C5: variants seen among roughly 807,000 people sequenced by gnomAD.
C5 encodes complement C5.
A neutral mutation model predicts 218.8 loss-of-function variants in C5; 140 were observed. That is an observed-to-expected ratio of 0.64 (90% CI 0.56 to 0.74). The LOEUF is 0.74. Among genes scored for constraint, C5 ranks in the 30% least tolerant of loss-of-function variants. C5 has a pLI of 0.00. For synonymous variants in C5, 614 were observed against 682.3 expected, an observed-to-expected ratio of 0.90 and a Z score of 1.56; for missense variants, 1,700 against 1,969.6, an observed-to-expected ratio of 0.86 and a Z score of 2.59.
At chr9:120,996,724 A>G (rs2047119200) in intron 21 of C5, among the ~76,000 whole-genome samples, 1 of 152,224 alleles carries the variant, frequency 6.6e-6, no homozygotes, top group African/African-American at 2.4e-5. Flanking sequence ...ATGGAACCAC[A>G]GTGCAAGGAT....
intron 25 of C5, among the ~76,000 whole-genome samples, chr9:120,988,502 C>T (rs2047051184): frequency 6.6e-6 from 1 of 152,082 alleles, no homozygotes; most frequent in South Asian, 2.1e-4. Context: ...AGTGCAAAGG[C>T]CCTGAGGTGG....
At position 120,962,688 on chromosome 9, in the gene C5, T is replaced by A. The variant is rs1337585185; in HGVS notation, c.4487A>T (p.Tyr1496Phe). The A allele has an allele frequency of 2.5e-6, 4 of 1,611,688 alleles. No individual in the cohort carries two copies. The highest frequency in any genetic ancestry group is 3.4e-6 in the Non-Finnish European group (4 of 1,177,868). Residue 1496 changes from tyrosine to phenylalanine, a missense_variant, in exon 36 of 41, where the codon TAC becomes TTC. Transcript: ENST00000223642. ...GFLSPATFTV[Y>F]EYHRPDKQCT... ...TTGATTACCTGGTCTGTGGTATTCG[T>A]ACACTGTGAAAGTGGCAGGACTGAG... is the stretch of plus-strand genomic sequence containing the variant.
chr9:121,001,517 C>T (rs934236182), intron 20 of C5, among the ~76,000 whole-genome samples: 15 of 151,946 alleles, frequency 9.9e-5, no homozygotes, highest in African/African-American at 3.6e-4. Flanking sequence ...CAATATATAG[C>T]GCGGTCTTTC....
At chr9:121,062,062 GTTT>G in the C5 span, among the ~76,000 whole-genome samples, 1 of 118,738 alleles carries the variant, frequency 8.4e-6, no homozygotes, top group Non-Finnish European at 1.7e-5. Flanking sequence ...TGTTGTTGTT[GTTT>G]TTCTTTTTTT....
Position 121,044,245 on chromosome 9 carries a change from C to T in C5, c.259-1079G>A, listed in dbSNP as rs543468245. On this transcript the variant is annotated intron_variant, in intron 2 of 40. Transcript: ENST00000223642. ...ATCCCAGCACTTTGGGAGGCCGAGG[C>T]GGGCGGATCACCTGAGGTCAGGAGT... is the stretch of plus-strand genomic sequence containing the variant. Among the ~76,000 whole-genome samples the T allele has an allele frequency of 3.0e-4, 45 of 152,202 alleles. No homozygotes were observed. In the South Asian group the frequency reaches 7.9e-3, roughly 27 times the overall value.
At chr9:120,966,095 A>G (rs974032042) in intron 33 of C5, among the ~76,000 whole-genome samples, 3 of 152,232 alleles carry the variant, frequency 2.0e-5, no homozygotes, top group African/African-American at 7.2e-5. Flanking sequence ...GAAGGCAAAG[A>G]AGTTCCTACA....
chr9:120,987,628 C>T (rs1189355552), intron 25 of C5, among the ~76,000 whole-genome samples: 1 of 124,044 alleles, frequency 8.1e-6, no homozygotes, highest in Non-Finnish European at 1.7e-5. Flanking sequence ...CAGAGCAAGA[C>T]TCCGTCTCAA....
chr9:120,998,581 ATT>A, intron 20 of C5, among the ~76,000 whole-genome samples: 2 of 152,248 alleles, frequency 1.3e-5, no homozygotes, highest in African/African-American at 4.8e-5. Flanking sequence ...TACTTTTCTA[ATT>A]TTATCAACTT....
At chr9:121,066,621 G>C in the C5 span, among the ~76,000 whole-genome samples, 2 of 151,792 alleles carry the variant, frequency 1.3e-5, no homozygotes, top group Non-Finnish European at 2.9e-5. Context: ...GAGGTGGACA[G>C]ATCACCTGAG....
intron 25 of C5, 130 bp from the exon 26 acceptor site, chr9:120,982,944 A>C (rs900383321): frequency 1.6e-6 from 1 of 614,056 alleles, no homozygotes; most frequent in Non-Finnish European, 2.8e-6. Context: ...GTAAGTCATC[A>C]TTTTACAAAG....
intron 40 of C5, 123 bp downstream of exon 40, chr9:120,953,607 T>C (rs1220397081): frequency 3.0e-6 from 3 of 999,296 alleles, no homozygotes; most frequent in African/African-American, 3.2e-5. Context: ...ACATTAATAT[T>C]ATTTAGTTCA....
At chr9:121,005,350 T>TA (rs944845824) in intron 20 of C5, among the ~76,000 whole-genome samples, 2 of 151,954 alleles carry the variant, frequency 1.3e-5, no homozygotes, top group African/African-American at 2.4e-5. Flanking sequence ...AGGAGTAAAG[T>TA]AAAAAGAGCA....
chr9:121,074,574 G>A, the C5 span, among the ~76,000 whole-genome samples: 2 of 152,220 alleles, frequency 1.3e-5, no homozygotes, highest in Non-Finnish European at 2.9e-5. Flanking sequence ...CATCAGAAGT[G>A]GGGGAGGCCG....
intron 7 of C5, among the ~76,000 whole-genome samples, chr9:121,029,104 T>C (rs1281366412): frequency 6.6e-6 from 1 of 152,228 alleles, no homozygotes; most frequent in African/African-American, 2.4e-5. Context: ...CATGTTTCCC[T>C]TTTTAGTTTA....
At chr9:121,026,894 G>A (rs973496575) in intron 8 of C5, among the ~76,000 whole-genome samples, 2 of 152,030 alleles carry the variant, frequency 1.3e-5, no homozygotes, top group African/African-American at 4.8e-5. Flanking sequence ...AAGACCTGGA[G>A]GCAAGAGAGA....
chr9:120,976,443 G>C (rs971484860), intron 29 of C5, among the ~76,000 whole-genome samples: 2 of 152,192 alleles, frequency 1.3e-5, no homozygotes, highest in African/African-American at 4.8e-5. Context: ...AGGAAGTACT[G>C]GGCTTAAAGT....
Position 121,047,797 on chromosome 9 carries a change from T to C in C5, c.66-1414A>G, listed in dbSNP as rs117303125. ...AGAATTTCCAGATTTCCAACCATCATCTGAATTCCCCTTCCCCACATGCCT... is the reference window on the plus strand; with the variant it reads ...AGAATTTCCAGATTTCCAACCATCACCTGAATTCCCCTTCCCCACATGCCT... On this transcript the variant is annotated intron_variant, in intron 1 of 40. Coordinates refer to ENST00000223642, the MANE Select transcript of C5 (RefSeq NM_001735.3). 1.5e-3 allele frequency among the ~76,000 whole-genome samples: 222 copies of C among 152,328 alleles called. 1 individual carries two copies. In the Middle Eastern group the frequency reaches 0.017, roughly 12 times the overall value.
chr9:121,050,183 T>C lies in C5; in HGVS notation c.64A>G (p.Thr22Ala), dbSNP rs564964646. 3.0e-4 allele frequency: 489 copies of C among 1,611,186 alleles called. 4 individuals are homozygous for C. In the South Asian group the frequency reaches 5.1e-3, roughly 17 times the overall value. ...FLGKTWGQEQ[T>A]YVISAPKIFR... ...ATGAAGATAGCTTGTTTTACTTACG[T>C]TTGCTCCTGTCCCCAGGTTTTCCCC... Residue 22 changes from threonine (T) to alanine (A), a missense_variant and splice_region_variant, in exon 1 of 41, where the codon ACA (threonine) becomes GCA (alanine). Coordinates refer to ENST00000223642, the MANE Select transcript of C5 (RefSeq NM_001735.3).
upstream of C5, among the ~76,000 whole-genome samples, chr9:121,052,408 C>T (rs148356035): frequency 1.4e-3 from 205 of 146,644 alleles, no homozygotes; most frequent in Non-Finnish European, 2.3e-3. Flanking sequence ...GCACAGATCA[C>T]GCCACCGCAC....
Sources: allele counts gnomAD v4.1 joint callset (sites outside exome capture counted in the v4.1 genomes callset), GRCh38; gene constraint gnomAD v4.1.1; transcripts MANE v1.5; gene names NCBI Gene and HGNC (gene_info 2026-07-23, HGNC 2026-07-21).